The following DPH6 variants were observed in gnomAD, a reference collection of about 807,000 sequenced individuals.
DPH6 encodes the protein diphthine--ammonia ligase.
Under a neutral mutation model 38.2 loss-of-function variants are expected in DPH6, and 33 were observed. The observed-to-expected ratio is 0.86, with a 90% CI of 0.65 to 1.15. The LOEUF is 1.15. DPH6 is among the 50% of genes most tolerant of loss of function. The pLI is 0.00. For missense variants in DPH6, 325 were observed against 320.0 expected (o/e 1.02, Z -0.12); for synonymous variants, 108 against 103.0 (o/e 1.05, Z -0.30).
the DPH6 span, among the ~76,000 whole-genome samples, chr15:35,162,869 G>T: frequency 6.6e-6 from 1 of 151,954 alleles, no homozygotes; most frequent in Admixed American, 6.6e-5. Context: ...TCTAAAATCT[G>T]ATTTCAAAAA....
At chr15:35,469,792 G>A (rs566574609) in intron 3 of DPH6, among the ~76,000 whole-genome samples, 1 of 152,300 alleles carries the variant, frequency 6.6e-6, no homozygotes, top group East Asian at 1.9e-4. Flanking sequence ...CTGAAGCCAT[G>A]TGAAGAGATA....
chr15:35,183,845 G>C, the DPH6 span, among the ~76,000 whole-genome samples: 1 of 152,176 alleles, frequency 6.6e-6, no homozygotes. Context: ...TGGGAAGACA[G>C]AATTTCAATC....
At chr15:35,258,035 T>C (rs2051719754) in intron 3 of DPH6, among the ~76,000 whole-genome samples, 1 of 152,272 alleles carries the variant, frequency 6.6e-6, no homozygotes. Flanking sequence ...ATCATGGTCC[T>C]TCTTATTTTA....
Position 35,373,675 on chromosome 15 carries a change from T to C in DPH6, c.663-67A>G, listed in dbSNP as rs968404139. On this transcript the variant is annotated intron_variant, in intron 7 of 8. Transcript: ENST00000256538. ...AATTGTGACAAATCATTCCTCCTAC[T>C]GACTAGAAGAGACTAAACATTCTTG... 7.1e-6 allele frequency: 9 copies of C among 1,272,708 alleles called. No homozygotes were observed. In the Admixed American group the frequency reaches 1.9e-4, roughly 27 times the overall value. The allele number at this position is 1,272,708 out of a possible 1,614,324, so 78.8% of individuals were successfully genotyped here.
intron 3 of DPH6, among the ~76,000 whole-genome samples, chr15:35,458,913 G>T (rs753219279): frequency 2.0e-5 from 3 of 152,110 alleles, no homozygotes; most frequent in Non-Finnish European, 4.4e-5. Flanking sequence ...AACAGTTCCC[G>T]TGCCCCTTGC....
At chr15:35,169,187 AATATCATATTC>A in the DPH6 span, among the ~76,000 whole-genome samples, 4 of 152,280 alleles carry the variant, frequency 2.6e-5, no homozygotes, top group South Asian at 2.1e-4. Context: ...CAGATTAATC[AATATCATATTC>A]ATATCATATT....
the DPH6 span, among the ~76,000 whole-genome samples, chr15:35,148,731 G>A: frequency 0.4 from 61,184 of 151,854 alleles, 12,557 homozygotes; most frequent in Middle Eastern, 0.59. Context: ...CCCTTTATTC[G>A]ATCTATGATA....
chr15:35,475,278 G>C lies in DPH6; in HGVS notation c.313-20458C>G, dbSNP rs114541222. ...AAGAGATTGCTGATGTGATTTTCTA[G>C]TTTAATAGTCACATATCAACTGTAA... On this transcript the variant is annotated intron_variant, in intron 3 of 8. Transcript: ENST00000256538. 2.6e-3 allele frequency among the ~76,000 whole-genome samples: 389 copies of C among 152,062 alleles called. 1 individual carries two copies. The highest frequency in any genetic ancestry group is 9.0e-3 in the African/African-American group (375 of 41,538).
At chr15:35,228,893 G>T (rs1380127481) in intron 3 of DPH6, among the ~76,000 whole-genome samples, 2 of 152,112 alleles carry the variant, frequency 1.3e-5, no homozygotes, top group Non-Finnish European at 2.9e-5. Flanking sequence ...TGGCCTGTAA[G>T]GTTTCCCTGA....
At chr15:35,360,526 T>C (rs559182920) in intron 3 of DPH6, among the ~76,000 whole-genome samples, 1 of 152,184 alleles carries the variant, frequency 6.6e-6, no homozygotes, top group African/African-American at 2.4e-5. Flanking sequence ...GTAGGGTGAG[T>C]TCAGCAGGCC....
the DPH6 span, among the ~76,000 whole-genome samples, chr15:35,164,208 A>T: frequency 1.3e-5 from 2 of 151,662 alleles, no homozygotes; most frequent in African/African-American, 2.4e-5. Flanking sequence ...GTTTGATTGG[A>T]CTCTTTGGGC....
chr15:35,390,859 G>A (rs760139976), intron 6 of DPH6, among the ~76,000 whole-genome samples: 1 of 152,108 alleles, frequency 6.6e-6, no homozygotes, highest in African/African-American at 2.4e-5. Context: ...GTGATTCTCC[G>A]TCCAGCTTTG....
At chr15:35,313,876 T>C (rs1051166334) in intron 3 of DPH6, among the ~76,000 whole-genome samples, 1 of 152,098 alleles carries the variant, frequency 6.6e-6, no homozygotes, top group African/African-American at 2.4e-5. Context: ...TCCAGGGCAT[T>C]TGTCTGGGCA....
intron 6 of DPH6, among the ~76,000 whole-genome samples, chr15:35,404,500 T>C (rs2053264061): frequency 6.6e-6 from 1 of 152,176 alleles, no homozygotes; most frequent in African/African-American, 2.4e-5. Context: ...TTTTCCTATG[T>C]CTGTTTGACA....
chr15:35,245,460 G>T lies in DPH6; in HGVS notation n.201-24878C>A, dbSNP rs10152893. On this transcript the variant is annotated intron_variant and non_coding_transcript_variant, in intron 3 of 3. Coordinates refer to the DPH6 transcript ENST00000560386. ...TCACTGTGTTAGCCAGGATGGTCTC[G>T]ATCTCCTGACCTTGTGATCCACCTG... is the stretch of plus-strand genomic sequence containing the variant. Among the ~76,000 whole-genome samples, 24 of 151,992 alleles carry T rather than the reference G, an allele frequency of 1.6e-4. No individual in the cohort carries two copies. In the South Asian group the frequency reaches 5.0e-3, roughly 32 times the overall value.
intron 3 of DPH6, among the ~76,000 whole-genome samples, chr15:35,310,681 T>C (rs1367901441): frequency 6.6e-6 from 1 of 152,074 alleles, no homozygotes; most frequent in Non-Finnish European, 1.5e-5. Context: ...AAGTTCAGCT[T>C]TAAAAAGAAT....
At position 35,372,138 on chromosome 15, in the gene DPH6, C is replaced by T. The variant is rs2052720525; in HGVS notation, c.*12G>A. 1 of 1,516,300 alleles carries T rather than the reference C, an allele frequency of 6.6e-7. No individual in the cohort carries two copies. Among genetic ancestry groups the T allele is most frequent in the Non-Finnish European group, 8.8e-7 (1 of 1,133,802 alleles). 93.9% of individuals were successfully genotyped at this position (1,516,300 alleles called of 1,614,324 possible). On this transcript the variant is annotated 3_prime_UTR_variant, in exon 9 of 9. Coordinates refer to ENST00000256538, the MANE Select transcript of DPH6 (RefSeq NM_080650.4). Reference sequence around the variant, plus strand: ...AAATGGTGGTTTAATGAACAATGTTCCAAAACACTTTTCAAAAATTATATA... The same window carrying T: ...AAATGGTGGTTTAATGAACAATGTTTCAAAACACTTTTCAAAAATTATATA...
chr15:35,529,204 C>CA (rs2055049083), intron 3 of DPH6, among the ~76,000 whole-genome samples: 2 of 152,134 alleles, frequency 1.3e-5, no homozygotes, highest in Admixed American at 1.3e-4. Context: ...GAGGTTTAAT[C>CA]AGCTCAGGTT....
intron 3 of DPH6, among the ~76,000 whole-genome samples, chr15:35,240,736 C>T (rs2051592011): frequency 7.0e-6 from 1 of 143,808 alleles, no homozygotes; most frequent in Non-Finnish European, 1.5e-5. Context: ...CGGCAGCAGC[C>T]CTGAGACGCT....
Sources: gnomAD v4.1 joint callset for allele counts (sites outside exome capture counted in the v4.1 genomes callset) on GRCh38, gnomAD v4.1.1 for gene constraint, MANE v1.5 for transcripts, NCBI Gene and HGNC (gene_info 2026-07-23, HGNC 2026-07-21) for gene names.